The following DCLK2 variants were observed in gnomAD, a reference collection of about 807,000 sequenced individuals.
The protein encoded by DCLK2 is serine/threonine-protein kinase DCLK2.
DCLK2 carries 31 observed loss-of-function variants against 78.4 expected under a neutral mutation model. The observed-to-expected ratio is 0.40, with a 90% CI of 0.30 to 0.53. The LOEUF (loss-of-function observed/expected upper bound fraction) is 0.53. Among genes scored for constraint, DCLK2 ranks in the 20% least tolerant of loss-of-function variants. DCLK2 has a pLI of 0.61. For synonymous variants in DCLK2, 407 were observed against 374.9 expected (o/e 1.09, Z -0.99); for missense variants, 872 against 973.7 (o/e 0.90, Z 1.39).
chr4:150,185,171 G>A (rs1737832031), intron 2 of DCLK2, among the ~76,000 whole-genome samples: 1 of 152,152 alleles, frequency 6.6e-6, no homozygotes, highest in African/African-American at 2.4e-5. Context: ...TGCCAAAGGG[G>A]AAGAAAACAT....
chr4:150,246,950 C>T (rs1459868230), intron 12 of DCLK2, among the ~76,000 whole-genome samples: 1 of 152,130 alleles, frequency 6.6e-6, no homozygotes, highest in Non-Finnish European at 1.5e-5. Context: ...AAATGAAAGT[C>T]AGTTTCCAAG....
At chr4:150,250,764 A>C (rs1239489514) in intron 15 of DCLK2, among the ~76,000 whole-genome samples, 2 of 151,452 alleles carry the variant, frequency 1.3e-5, no homozygotes, top group Non-Finnish European at 2.9e-5. Context: ...ACAGTGGCAT[A>C]TTCTCATGGT....
At chr4:150,138,758 C>T (rs551761541) in intron 2 of DCLK2, among the ~76,000 whole-genome samples, 62 of 152,250 alleles carry the variant, frequency 4.1e-4, no homozygotes, top group African/African-American at 1.4e-3. Context: ...CCTCTGCCTC[C>T]TGGGTTCAAG....
chr4:150,092,757 A>G (rs908290144), intron 1 of DCLK2, among the ~76,000 whole-genome samples: 1 of 152,226 alleles, frequency 6.6e-6, no homozygotes, highest in African/African-American at 2.4e-5. Context: ...TGTTTTCATG[A>G]TGAAAACACT....
intron 4 of DCLK2, 88 bp from the exon 5 acceptor site, chr4:150,203,707 A>C: frequency 9.7e-7 from 1 of 1,026,860 alleles, no homozygotes; most frequent in Non-Finnish European, 1.5e-6. Flanking sequence ...CATTGGACCT[A>C]TATTGTGCAT....
chr4:150,094,775 G>C (rs181039325), intron 1 of DCLK2, among the ~76,000 whole-genome samples: 1 of 152,216 alleles, frequency 6.6e-6, no homozygotes, highest in Non-Finnish European at 1.5e-5. Flanking sequence ...TCCAGGTCCT[G>C]TACTAGGTGT....
chr4:150,107,377 TG>T (rs1432727764), intron 2 of DCLK2, among the ~76,000 whole-genome samples: 12 of 130,510 alleles, frequency 9.2e-5, no homozygotes, highest in East Asian at 7.9e-4. Context: ...TTTTGGTTAT[TG>T]TTTTTTTTTT....
chr4:150,218,040 G>GCTCGCTCTCACT (rs1398251380), intron 5 of DCLK2, among the ~76,000 whole-genome samples: 3 of 151,938 alleles, frequency 2.0e-5, no homozygotes, highest in Non-Finnish European at 4.4e-5. Flanking sequence ...GCTCGCTGTT[G>GCTCGCTCTCACT]CTCGCTCTCA....
At chr4:150,250,543 C>G (rs929245170) in intron 15 of DCLK2, among the ~76,000 whole-genome samples, 1 of 151,826 alleles carries the variant, frequency 6.6e-6, no homozygotes, top group East Asian at 1.9e-4. Flanking sequence ...GGTGGAGTGG[C>G]CTTTCCCAGA....
intron 15 of DCLK2, chr4:150,254,403 C>T: frequency 2.5e-6 from 1 of 399,168 alleles, no homozygotes; most frequent in Middle Eastern, 6.3e-4. Context: ...CTCCCGCCGC[C>T]TGCATTGCTT....
chr4:150,226,349 T>C (rs1741607332), intron 8 of DCLK2, among the ~76,000 whole-genome samples: 1 of 152,078 alleles, frequency 6.6e-6, no homozygotes, highest in Admixed American at 6.5e-5. Flanking sequence ...AATAATTTGA[T>C]ATGCTTTTAC....
intron 14 of DCLK2, among the ~76,000 whole-genome samples, chr4:150,248,639 C>T (rs1373065626): frequency 6.6e-6 from 1 of 152,172 alleles, no homozygotes; most frequent in African/African-American, 2.4e-5. Flanking sequence ...GTTTCCTTAT[C>T]TGCAAAATGG....
chr4:150,180,295 T>G (rs1398409933), intron 2 of DCLK2, among the ~76,000 whole-genome samples: 1 of 152,170 alleles, frequency 6.6e-6, no homozygotes, highest in African/African-American at 2.4e-5. Context: ...ACAAGGTAGT[T>G]TCCTGGGAGT....
chr4:150,166,051 T>G (rs1372303151), intron 2 of DCLK2, among the ~76,000 whole-genome samples: 2 of 152,190 alleles, frequency 1.3e-5, no homozygotes, highest in Admixed American at 6.5e-5. Flanking sequence ...CCGTGAGAAA[T>G]AAATTTCTTT....
At chr4:150,186,894 A>ATTG (rs377415773) in intron 2 of DCLK2, among the ~76,000 whole-genome samples, 1 of 147,498 alleles carries the variant, frequency 6.8e-6, no homozygotes, top group Admixed American at 6.8e-5. Context: ...CTATCTCAAA[A>ATTG]TGTGTGTGTG....
chr4:150,201,453 A>G (rs184381535), intron 4 of DCLK2, among the ~76,000 whole-genome samples: 1 of 152,346 alleles, frequency 6.6e-6, no homozygotes, highest in East Asian at 1.9e-4. Flanking sequence ...CACATTGTTT[A>G]GAACTTTCCA....
At chr4:150,143,964 G>A (rs1178870873) in intron 2 of DCLK2, among the ~76,000 whole-genome samples, 1 of 151,728 alleles carries the variant, frequency 6.6e-6, no homozygotes, top group Admixed American at 6.6e-5. Context: ...GACATAATTT[G>A]CAAATATTTT....
intron 15 of DCLK2, among the ~76,000 whole-genome samples, chr4:150,252,587 C>T (rs371998995): frequency 2.6e-5 from 4 of 152,310 alleles, no homozygotes; most frequent in East Asian, 3.9e-4. Flanking sequence ...TAGATAATGA[C>T]GCTTAGACCC....
intron 15 of DCLK2, among the ~76,000 whole-genome samples, chr4:150,252,962 T>C (rs2126649639): frequency 6.6e-6 from 1 of 152,282 alleles, no homozygotes; most frequent in Middle Eastern, 3.4e-3. Flanking sequence ...CTGTGACTTT[T>C]GGGCTGTCCC....
Sources: gnomAD v4.1 joint callset for allele counts (sites outside exome capture counted in the v4.1 genomes callset) on GRCh38, gnomAD v4.1.1 for gene constraint, MANE v1.5 for transcripts, NCBI Gene and HGNC (gene_info 2026-07-23, HGNC 2026-07-21) for gene names.